GOLGB1: variants seen among roughly 807,000 people sequenced by gnomAD.
The protein encoded by GOLGB1 is golgin subfamily B member 1.
In GOLGB1, 174 loss-of-function variants were observed where a neutral mutation model predicts 336.9. The ratio of observed to expected loss-of-function variants is 0.52; its 90% CI spans 0.46 to 0.59. The LOEUF is 0.59. Ranked by LOEUF, GOLGB1 falls within the 20% of genes least tolerant of loss-of-function variation. The probability of loss-of-function intolerance (pLI) is 0.00; values close to 1 mark genes in which losing one functional copy is unlikely to be tolerated. For missense variants in GOLGB1, 3,331 were observed against 3,645.3 expected, an observed-to-expected ratio of 0.91 and a Z score of 2.22; for synonymous variants, 1,208 against 1,289.2, an observed-to-expected ratio of 0.94 and a Z score of 1.35.
At position 121,678,092 on chromosome 3, in the gene GOLGB1, C is replaced by T. The variant is rs556346132; in HGVS notation, c.8874-642G>A. The stretch of plus-strand genomic sequence containing the variant: ...AGAGAGCAAAACTCAGTTGTTTTGC[C>T]ATTTTCTTTTTACTTGCTCTGCAAT... On this transcript the variant is annotated intron_variant, in intron 15 of 21. Transcript: ENST00000614479. Among the ~76,000 whole-genome samples the T allele has an allele frequency of 4.6e-5, 7 of 152,192 alleles. No individual in the cohort carries two copies. The East Asian group carries it at 1.3e-3, about 29-fold the overall frequency.
chr3:121,708,055 T>C (rs1178658563), intron 10 of GOLGB1, among the ~76,000 whole-genome samples: 3 of 152,218 alleles, frequency 2.0e-5, no homozygotes, highest in African/African-American at 7.2e-5. Context: ...AGTCAATGGT[T>C]ACACAAATTG....
rs768418276 is a variant in GOLGB1, at chr3:121,697,185, A to G, written c.3338T>C (p.Ile1113Thr). The change falls in exon 13 of 22, where the codon ATA becomes ACA. Residue 1113 changes from isoleucine to threonine, a missense_variant. Physicochemically the swap from Ile to Thr is moderately conservative, Grantham distance 89. Transcript: ENST00000614479. ...NQTLQDKTNQIDLLQAEISEN... is the reference protein window; with the variant it reads ...NQTLQDKTNQTDLLQAEISEN... ...ACTGATTTCTGCTTGGAGCAAATCT[A>G]TTTGGTTTGTTTTATCTTGCAAGGT... 6 of 1,613,896 alleles carry G rather than the reference A, an allele frequency of 3.7e-6. No individual in the cohort carries two copies. The African/African-American group carries it at 4.0e-5, about 11-fold the overall frequency.
In GOLGB1 at chr3:121,690,838, A is replaced by G. The variant is rs1307964477; in HGVS notation, c.8526T>C (p.Ala2842=). 1.9e-6 allele frequency: 3 copies of G among 1,612,530 alleles called. No individual in the cohort carries two copies. The highest frequency in any genetic ancestry group is 1.1e-5 in the South Asian group (1 of 90,832). ...CTCTCTCATTCTGCAGACTGGCCAT[A>G]GCCTTGGAAAAGGACTGCACTTGGT... The part of the protein sequence containing the change: ...SYNQVQSFSK[A]MASLQNERDH... Residue 2842 remains alanine, a synonymous_variant, in exon 14 of 22, where the codon GCT becomes GCC. Coordinates refer to ENST00000614479, the MANE Select transcript of GOLGB1 (RefSeq NM_001366282.2).
At chr3:121,726,762 C>A (rs1945647608) in intron 5 of GOLGB1, 151 bp downstream of exon 5, 1 of 441,010 alleles carries the variant, frequency 2.3e-6, no homozygotes, top group Non-Finnish European at 3.9e-6. Flanking sequence ...AATAAAATTA[C>A]CAGACAAGAA....
At chr3:121,687,099 C>A (rs4048693) in intron 14 of GOLGB1, among the ~76,000 whole-genome samples, 19,172 of 151,996 alleles carry the variant, frequency 0.13, 1,427 homozygotes, top group African/African-American at 0.19. Context: ...ATGGTGAAAC[C>A]CCATCTCTAC....
chr3:121,716,863 T>A lies in GOLGB1; in HGVS notation c.1162A>T (p.Ser388Cys), dbSNP rs776354124. ...EMEEKTSHILSLQKTGQELQS... is the reference protein window; with the variant it reads ...EMEEKTSHILCLQKTGQELQS... ...AGCTCTTGTCCAGTCTTTTGAAGAC[T>A]CAAAATATGAGAGGTCTTCTCTTCC... Residue 388 changes from serine (S) to cysteine (C), a missense_variant, in exon 9 of 22, where the codon AGT (serine) becomes TGT (cysteine). Ser to Cys is a moderately radical substitution (Grantham distance 112). Coordinates refer to ENST00000614479, the MANE Select transcript of GOLGB1 (RefSeq NM_001366282.2). 3 of 1,614,018 alleles carry A rather than the reference T, an allele frequency of 1.9e-6. No individual in the cohort carries two copies. The South Asian group carries it at 3.3e-5, about 18-fold the overall frequency.
chr3:121,706,428 G>T (rs954677605), intron 10 of GOLGB1, among the ~76,000 whole-genome samples: 1 of 151,980 alleles, frequency 6.6e-6, no homozygotes, highest in Non-Finnish European at 1.5e-5. Flanking sequence ...CATGACAGCA[G>T]ATTTCTTATT....
intron 18 of GOLGB1, among the ~76,000 whole-genome samples, chr3:121,668,884 C>T (rs1939094628): frequency 6.6e-6 from 1 of 152,050 alleles, no homozygotes. Context: ...CTGTTTTGTT[C>T]TCAGATCCAA....
chr3:121,681,935 C>T (rs2107671761), intron 14 of GOLGB1, 70 bp from the exon 15 acceptor site: 1 of 1,041,766 alleles, frequency 9.6e-7, no homozygotes, highest in Non-Finnish European at 1.5e-6. Context: ...TCATTGGTAG[C>T]TCCCTACTAA....
chr3:121,698,436 CT>C lies in GOLGB1; in HGVS notation c.2086del (p.Ser696ValfsTer8). On this transcript the variant is annotated frameshift_variant, in exon 13 of 22. Coordinates refer to ENST00000614479, the MANE Select transcript of GOLGB1 (RefSeq NM_001366282.2). LOFTEE classifies it high-confidence loss of function. ...CHQDELERLKSQILELELNFH... is the reference protein window; with the variant it reads ...CHQDELERLKXQILELELNFH... ...GTTTAGCTCGAGCTCCAAAATTTGA[CT>C]TTTTAACCTTTCCAACTCATCCTGA... The C allele has an allele frequency of 6.2e-7, 1 of 1,613,938 alleles. No homozygotes were observed. Among genetic ancestry groups the C allele is most frequent in the Non-Finnish European group, 8.5e-7 (1 of 1,179,898 alleles).
At chr3:121,717,572 G>C (rs1944876385) in intron 8 of GOLGB1, among the ~76,000 whole-genome samples, 1 of 152,166 alleles carries the variant, frequency 6.6e-6, no homozygotes, top group African/African-American at 2.4e-5. Flanking sequence ...AGGACAATAT[G>C]AGAAAGAAAA....
At position 121,730,001 on chromosome 3, in the gene GOLGB1, G is replaced by C. The variant is rs752942794; in HGVS notation, c.113C>G (p.Ser38Cys). The change falls in exon 3 of 22, where the codon TCT (serine) becomes TGT (cysteine). Residue 38 changes from serine to cysteine, a missense_variant. Physicochemically the swap from Ser to Cys is moderately radical, Grantham distance 112. Coordinates refer to ENST00000614479, the MANE Select transcript of GOLGB1 (RefSeq NM_001366282.2). ...TGTAGTATTATTAAATTCCATGTCA[G>C]ATTCTTGGTGTAATTCCTAATATTT... is the stretch of plus-strand genomic sequence containing the variant. Reference protein sequence around the residue: ...APLDPELHQESDMEFNNTTQE... With the variant: ...APLDPELHQECDMEFNNTTQE... The C allele has an allele frequency of 6.5e-5, 104 of 1,611,656 alleles. No individual in the cohort carries two copies. The Middle Eastern group carries it at 1.5e-3, about 23-fold the overall frequency.
chr3:121,694,781 G>T lies in GOLGB1; in HGVS notation c.5742C>A (p.Thr1914=). ...CTTCTTCTGCTGTCTCCTTTAGTTT[G>T]GTAACTCTGGAGAGTTCTTCTTGGA... ...QQIQEELSRV[T]KLKETAEEEK... is the part of the protein sequence containing the mutation. The change falls in exon 13 of 22, where the codon ACC becomes ACA. Residue 1914 remains threonine, a synonymous_variant. Coordinates refer to ENST00000614479, the MANE Select transcript of GOLGB1 (RefSeq NM_001366282.2). 6.2e-7 allele frequency: 1 copy of T among 1,612,646 alleles called. No homozygotes were observed.
intron 16 of GOLGB1, 88 bp downstream of exon 16, chr3:121,677,197 C>T (rs1296847910): frequency 1.8e-5 from 22 of 1,224,664 alleles, no homozygotes; most frequent in Non-Finnish European, 2.3e-5. Flanking sequence ...TTCTGGGTAG[C>T]GTCTTAAAAA....
Position 121,690,775 on chromosome 3 carries a change from T to C in GOLGB1, c.8589A>G (p.Ser2863=). The C allele has an allele frequency of 6.3e-7, 1 of 1,594,390 alleles. No individual in the cohort carries two copies. Among genetic ancestry groups the C allele is most frequent in the Non-Finnish European group, 8.5e-7 (1 of 1,171,558 alleles). ...LWNELEKFRK[S]EEGKQRSAAQ... Reference sequence around the variant, plus strand: ...CTGCAGACCTCTGCTTCCCTTCCTCTGACTTTCGAAATTTCTCCAGCTCAT... The same window carrying C: ...CTGCAGACCTCTGCTTCCCTTCCTCCGACTTTCGAAATTTCTCCAGCTCAT... Residue 2863 remains serine (S), a synonymous_variant, in exon 14 of 22, where the codon TCA becomes TCG. Transcript: ENST00000614479.
chr3:121,726,575 A>G (rs2108247033), intron 5 of GOLGB1, among the ~76,000 whole-genome samples: 1 of 151,922 alleles, frequency 6.6e-6, no homozygotes, highest in Admixed American at 6.6e-5. Flanking sequence ...AAATCATTGC[A>G]GTATAGAAGA....
In GOLGB1 at chr3:121,737,912, C is replaced by T. The variant is rs191343727; in HGVS notation, c.-2-6939G>A. Among the ~76,000 whole-genome samples the T allele has an allele frequency of 1.9e-4, 29 of 151,960 alleles. No individual in the cohort carries two copies. The South Asian group carries it at 4.2e-3, about 22-fold the overall frequency. Reference sequence around the variant, plus strand: ...AGTGAACTGTTCCCTAGGAAGGCAGCGCAGGATCATATATAACTTCATATC... The same window carrying T: ...AGTGAACTGTTCCCTAGGAAGGCAGTGCAGGATCATATATAACTTCATATC... On this transcript the variant is annotated intron_variant, in intron 1 of 21. Transcript: ENST00000614479.
intron 15 of GOLGB1, among the ~76,000 whole-genome samples, chr3:121,678,841 C>A (rs545826920): frequency 1.3e-5 from 2 of 152,052 alleles, no homozygotes; most frequent in African/African-American, 4.8e-5. Context: ...TGTGAGCCAC[C>A]GCACCCAGCC....
intron 20 of GOLGB1, among the ~76,000 whole-genome samples, chr3:121,665,342 C>G (rs1452609434): frequency 6.6e-6 from 1 of 152,216 alleles, no homozygotes; most frequent in African/African-American, 2.4e-5. Flanking sequence ...AGTGCTAAGG[C>G]TTACAGAGGT....
Sources: gnomAD v4.1 joint callset for allele counts (sites outside exome capture counted in the v4.1 genomes callset) on GRCh38, gnomAD v4.1.1 for gene constraint, MANE v1.5 for transcripts, NCBI Gene and HGNC (gene_info 2026-07-23, HGNC 2026-07-21) for gene names.